WWOX: variants seen among roughly 807,000 people sequenced by gnomAD.
The protein encoded by WWOX is WW domain-containing oxidoreductase.
WWOX carries 69 observed loss-of-function variants against 46.2 expected under a neutral mutation model. The ratio of observed to expected loss-of-function variants is 1.49; its 90% CI spans 1.23 to 1.82. WWOX has a LOEUF of 1.82. Among genes scored for constraint, WWOX ranks in the 40% most tolerant of loss-of-function variants. The probability of loss-of-function intolerance (pLI) is 0.00; values close to 1 mark genes in which losing one functional copy is unlikely to be tolerated. For synonymous variants in WWOX, 359 were observed against 202.6 expected, an observed-to-expected ratio of 1.77 and a Z score of -6.56; for missense variants, 919 against 542.6, an observed-to-expected ratio of 1.69 and a Z score of -6.89.
intron 8 of WWOX, among the ~76,000 whole-genome samples, chr16:78,786,145 G>T (rs541325855): frequency 1.3e-5 from 2 of 152,188 alleles, no homozygotes; most frequent in East Asian, 1.9e-4. Context: ...CCTGCCCTCC[G>T]GTGATCTGCC....
chr16:78,600,760 G>C (rs1454933368), intron 8 of WWOX, among the ~76,000 whole-genome samples: 3 of 152,200 alleles, frequency 2.0e-5, no homozygotes, highest in Non-Finnish European at 2.9e-5. Flanking sequence ...GAGAATTCTA[G>C]GCTTGACTTC....
chr16:79,115,085 G>T (rs2049488775), intron 8 of WWOX, among the ~76,000 whole-genome samples: 1 of 152,182 alleles, frequency 6.6e-6, no homozygotes, highest in Non-Finnish European at 1.5e-5. Context: ...AAGGGACCAG[G>T]TCCCTCAATG....
intron 8 of WWOX, among the ~76,000 whole-genome samples, chr16:78,520,036 C>G (rs17720666): frequency 6.6e-6 from 1 of 152,124 alleles, no homozygotes; most frequent in African/African-American, 2.4e-5. Flanking sequence ...ACCATGCAGT[C>G]ATTTCCCAGA....
In WWOX at chr16:78,229,474, A is replaced by G. The variant is rs200745684; in HGVS notation, c.516+65185A>G. Reference sequence around the variant, plus strand: ...GATTTTTTCTGTTTTATCTCTCTCTATATGTATATCTGTATATATATTTAT... The same window carrying G: ...GATTTTTTCTGTTTTATCTCTCTCTGTATGTATATCTGTATATATATTTAT... On this transcript the variant is annotated intron_variant, in intron 5 of 8. Coordinates refer to ENST00000566780, the MANE Select transcript of WWOX (RefSeq NM_016373.4). Among the ~76,000 whole-genome samples, 5 of 96,616 alleles carry G rather than the reference A, an allele frequency of 5.2e-5. No individual in the cohort carries two copies. In the East Asian group the frequency reaches 1.5e-3, roughly 30 times the overall value. The allele number at this position is 96,616 out of a possible 152,430, so 63.4% of individuals were successfully genotyped here.
chr16:78,903,551 A>G (rs781630308), intron 8 of WWOX, among the ~76,000 whole-genome samples: 2 of 152,192 alleles, frequency 1.3e-5, no homozygotes, highest in African/African-American at 4.8e-5. Context: ...AGGGGTTGCA[A>G]AAGAGTAGCC....
At chr16:78,200,934 G>A (rs943679988) in intron 5 of WWOX, among the ~76,000 whole-genome samples, 12 of 152,146 alleles carry the variant, frequency 7.9e-5, no homozygotes, top group African/African-American at 2.9e-4. Context: ...GCAAACAGAA[G>A]AAAAGCTTTT....
rs112714436 is a variant in WWOX, at chr16:79,030,585, C to G, written c.1057-181023C>G. 3.1e-4 allele frequency among the ~76,000 whole-genome samples: 47 copies of G among 152,296 alleles called. 1 individual carries two copies. The highest frequency in any genetic ancestry group is 1.1e-3 in the African/African-American group (47 of 41,564). On this transcript the variant is annotated intron_variant, in intron 8 of 8. Transcript: ENST00000566780. The stretch of plus-strand genomic sequence containing the variant: ...TCATATGAGGGCTGTCTTGGTCCGT[C>G]TCATTTAAGGTTTGGCTTCTCCAAA...
intron 5 of WWOX, among the ~76,000 whole-genome samples, chr16:78,314,687 GGTTTTTTTTTTTT>G (rs1272529197): frequency 1.1e-5 from 1 of 92,058 alleles, no homozygotes; most frequent in Non-Finnish European, 1.9e-5. Flanking sequence ...ACCCTGCAGG[GGTTTTTTTTTTTT>G]GTTTTTTTTT....
chr16:78,976,208 T>A (rs914041873), intron 8 of WWOX, among the ~76,000 whole-genome samples: 4 of 152,332 alleles, frequency 2.6e-5, no homozygotes, highest in Middle Eastern at 6.8e-3. Context: ...AATGAATGAA[T>A]GAATGAAAGT....
At chr16:78,564,824 A>G (rs938838574) in intron 8 of WWOX, among the ~76,000 whole-genome samples, 4 of 152,090 alleles carry the variant, frequency 2.6e-5, no homozygotes, top group African/African-American at 9.7e-5. Flanking sequence ...TTTACGGATC[A>G]TCAGTTTTAT....
intron 8 of WWOX, among the ~76,000 whole-genome samples, chr16:78,634,837 AGTGTGTGTGTGTGTGTGT>A (rs59374463): frequency 9.0e-6 from 1 of 111,716 alleles, no homozygotes; most frequent in African/African-American, 3.6e-5. Context: ...AGAGAGAGAG[AGTGTGTGTGTGTGTGTGT>A]GTGTGTGTGT....
At chr16:78,591,776 G>A (rs954511034) in intron 8 of WWOX, among the ~76,000 whole-genome samples, 3 of 152,154 alleles carry the variant, frequency 2.0e-5, no homozygotes, top group Non-Finnish European at 4.4e-5. Flanking sequence ...CACTGGACAG[G>A]GTGGCCTGGG....
chr16:78,331,792 C>G (rs1191184151), intron 5 of WWOX, among the ~76,000 whole-genome samples: 2 of 152,090 alleles, frequency 1.3e-5, no homozygotes, highest in Non-Finnish European at 2.9e-5. Context: ...TGTGTGCCTG[C>G]TTTGTGGCAT....
chr16:78,326,587 C>A (rs1201155417), intron 5 of WWOX, among the ~76,000 whole-genome samples: 1 of 106,328 alleles, frequency 9.4e-6, no homozygotes, highest in Non-Finnish European at 1.9e-5. Context: ...GCCCCCCCCC[C>A]CCGCAATGCC....
At chr16:78,936,980 A>G (rs2045751310) in intron 8 of WWOX, among the ~76,000 whole-genome samples, 1 of 152,176 alleles carries the variant, frequency 6.6e-6, no homozygotes. Flanking sequence ...TTAGTAATCC[A>G]TTTGGATTTG....
chr16:78,932,885 T>G (rs2045654856), intron 8 of WWOX, among the ~76,000 whole-genome samples: 1 of 152,206 alleles, frequency 6.6e-6, no homozygotes, highest in South Asian at 2.1e-4. Flanking sequence ...GAAGACAGAT[T>G]TAAGTTCCAT....
rs5818138 is a variant in WWOX at position 78,446,657 on chromosome 16, CTTTTTTTTTTT to C, written c.1056+13919_1056+13929del. ...CATCGAGTATAGTACCAAGTGTATA[CTTTTTTTTTTT>C]TTTTTTTTTTTTTGAGGTGGAATCT... On this transcript the variant is annotated intron_variant, in intron 8 of 8. Transcript: ENST00000566780. 3.8e-3 allele frequency among the ~76,000 whole-genome samples: 337 copies of C among 88,126 alleles called. 2 individuals carry two copies. Among genetic ancestry groups the C allele is most frequent in the African/African-American group, 0.015 (319 of 21,908 alleles). The allele number at this position is 88,126 out of a possible 152,430, so 57.8% of individuals were successfully genotyped here.
At chr16:78,202,666 G>A (rs552658061) in intron 5 of WWOX, among the ~76,000 whole-genome samples, 19 of 152,304 alleles carry the variant, frequency 1.2e-4, no homozygotes, top group African/African-American at 4.1e-4. Context: ...CAGGAACTTA[G>A]AATGAATCCA....
intron 6 of WWOX, among the ~76,000 whole-genome samples, chr16:78,387,182 A>T (rs947502296): frequency 1.3e-5 from 2 of 152,240 alleles, no homozygotes; most frequent in Admixed American, 1.3e-4. Context: ...AAGAGAAGAC[A>T]CTATTAAAGC....
Sources: gnomAD v4.1 joint callset for allele counts (sites outside exome capture counted in the v4.1 genomes callset) on GRCh38, gnomAD v4.1.1 for gene constraint, MANE v1.5 for transcripts, NCBI Gene and HGNC (gene_info 2026-07-23, HGNC 2026-07-21) for gene names.